The following NLGN4X variants were observed in gnomAD, a reference collection of about 807,000 sequenced individuals.
NLGN4X encodes the protein neuroligin-4, X-linked.
A neutral mutation model predicts 40.3 loss-of-function variants in NLGN4X; 3 were observed. The observed-to-expected ratio is 0.07, with a 90% CI of 0.03 to 0.19. NLGN4X has a LOEUF of 0.19. Ranked by LOEUF, NLGN4X falls within the 10% of genes least tolerant of loss-of-function variation. The probability of loss-of-function intolerance (pLI) is 1.00; values close to 1 mark genes in which losing one functional copy is unlikely to be tolerated. For synonymous variants in NLGN4X, 270 were observed against 306.8 expected (o/e 0.88, Z 1.25); for missense variants, 382 against 708.3 (o/e 0.54, Z 5.23).
chrX:6,173,800 G>C (rs780861109), intron 1 of NLGN4X, among the ~76,000 whole-genome samples: 1 of 112,189 alleles, frequency 8.9e-6, no homozygotes, highest in Non-Finnish European at 1.9e-5. Flanking sequence ...GCTCACGCCT[G>C]TAATCCTAGC....
At chrX:5,998,569 T>C (rs1436475648) in intron 3 of NLGN4X, among the ~76,000 whole-genome samples, 3 of 112,222 alleles carry the variant, frequency 2.7e-5, no homozygotes, top group Non-Finnish European at 5.6e-5. Context: ...AAAATGATTT[T>C]GTGTCATGTT....
chrX:5,928,423 T>C (rs1032395121), intron 3 of NLGN4X, among the ~76,000 whole-genome samples: 6 of 112,022 alleles, frequency 5.4e-5, no homozygotes, highest in Non-Finnish European at 7.5e-5. Context: ...GACAACTCTA[T>C]TCCAAGCAAT....
chrX:6,027,784 C>T (rs1293375940), intron 3 of NLGN4X, among the ~76,000 whole-genome samples: 4 of 107,237 alleles, frequency 3.7e-5, no homozygotes, highest in East Asian at 2.9e-4. Context: ...TCTTATTTTG[C>T]TTTTTATTTT....
intron 4 of NLGN4X, among the ~76,000 whole-genome samples, chrX:5,905,345 A>G (rs2032117334): frequency 9.0e-6 from 1 of 111,478 alleles, no homozygotes; most frequent in African/African-American, 3.3e-5. Context: ...AACTCACCTT[A>G]GCGTAATGAG....
chrX:6,001,066 A>G (rs1167526936), intron 3 of NLGN4X, among the ~76,000 whole-genome samples: 6 of 111,501 alleles, frequency 5.4e-5, no homozygotes, highest in Non-Finnish European at 1.1e-4. Context: ...AGTGCTGAGC[A>G]AAAGGAGGAA....
chrX:6,116,954 C>T (rs994826993), intron 2 of NLGN4X, among the ~76,000 whole-genome samples: 3 of 111,628 alleles, frequency 2.7e-5, no homozygotes, highest in African/African-American at 6.5e-5. Context: ...GTAGTAGATA[C>T]GATTTTGGTT....
At chrX:6,085,914 C>A (rs887023793) in intron 2 of NLGN4X, among the ~76,000 whole-genome samples, 1 of 112,087 alleles carries the variant, frequency 8.9e-6, no homozygotes, top group Non-Finnish European at 1.9e-5. Flanking sequence ...TGACTGATAG[C>A]TCAGCGCCAT....
intron 4 of NLGN4X, 66 bp from the exon 5 acceptor site, chrX:5,903,932 G>A (rs2032043678): frequency 8.7e-7 from 1 of 1,151,792 alleles, no homozygotes; most frequent in African/African-American, 1.8e-5. Context: ...CTTTTACTGA[G>A]CAATGAAGGC....
At chrX:5,939,772 A>T (rs1601920677) in intron 3 of NLGN4X, among the ~76,000 whole-genome samples, 1 of 111,922 alleles carries the variant, frequency 8.9e-6, no homozygotes, top group African/African-American at 3.2e-5. Context: ...ACAAGAAAAA[A>T]ATAAAAATGT....
intron 1 of NLGN4X, among the ~76,000 whole-genome samples, chrX:6,166,508 A>T (rs1262701503): frequency 8.9e-6 from 1 of 111,989 alleles, no homozygotes; most frequent in African/African-American, 3.2e-5. Context: ...AAAATGTATC[A>T]ATTTTCCACC....
chrX:6,174,462 C>CA (rs1427564315), intron 1 of NLGN4X, among the ~76,000 whole-genome samples: 1 of 111,667 alleles, frequency 9.0e-6, no homozygotes, highest in Admixed American at 9.5e-5. Flanking sequence ...AATCGTTCTA[C>CA]AAAAAAGACG....
intron 5 of NLGN4X, among the ~76,000 whole-genome samples, chrX:5,897,674 C>T (rs1236680195): frequency 8.9e-6 from 1 of 111,841 alleles, no homozygotes; most frequent in African/African-American, 3.3e-5. Context: ...GCAAGGATTA[C>T]TTGAGGCCCT....
At chrX:6,045,597 G>A (rs752513399) in intron 2 of NLGN4X, among the ~76,000 whole-genome samples, 1 of 111,852 alleles carries the variant, frequency 8.9e-6, no homozygotes, top group Non-Finnish European at 1.9e-5. Flanking sequence ...AAAGAAGTCA[G>A]GTGATAGCTG....
intron 2 of NLGN4X, among the ~76,000 whole-genome samples, chrX:6,074,753 A>G (rs1230201940): frequency 9.0e-6 from 1 of 111,242 alleles, no homozygotes; most frequent in East Asian, 2.8e-4. Flanking sequence ...CAAGAGTGAA[A>G]GTCTGATACT....
At chrX:6,059,471 C>T (rs1006201258) in intron 2 of NLGN4X, among the ~76,000 whole-genome samples, 12 of 111,853 alleles carry the variant, frequency 1.1e-4, no homozygotes, top group Admixed American at 2.8e-4. Context: ...TAATTGTCTA[C>T]CCCACACACG....
At chrX:6,064,352 T>C (rs2037849754) in intron 2 of NLGN4X, among the ~76,000 whole-genome samples, 1 of 111,888 alleles carries the variant, frequency 8.9e-6, no homozygotes, top group Admixed American at 9.5e-5. Context: ...GATGGACACA[T>C]GACTTTATCG....
chrX:6,055,809 ATT>A (rs904744767), intron 2 of NLGN4X, among the ~76,000 whole-genome samples: 1 of 111,691 alleles, frequency 9.0e-6, no homozygotes, highest in African/African-American at 3.3e-5. Flanking sequence ...ATTTAATTAA[ATT>A]GTGTAGAATT....
intron 1 of NLGN4X, among the ~76,000 whole-genome samples, chrX:6,210,069 G>A (rs912350987): frequency 1.8e-5 from 2 of 110,796 alleles, no homozygotes; most frequent in African/African-American, 3.3e-5. Context: ...GTCGAAGCTC[G>A]TCTTGAACTC....
chrX:6,129,001 C>T (rs2039622088), intron 2 of NLGN4X, among the ~76,000 whole-genome samples: 1 of 111,371 alleles, frequency 9.0e-6, no homozygotes, highest in South Asian at 3.8e-4. Context: ...GTGTGGTCTC[C>T]TGAAAAGATG....
Sources: allele counts gnomAD v4.1 joint callset (sites outside exome capture counted in the v4.1 genomes callset), GRCh38; gene constraint gnomAD v4.1.1; transcripts MANE v1.5; gene names NCBI Gene and HGNC (gene_info 2026-07-23, HGNC 2026-07-21).